Variants in REV3L observed in about 807,000 individuals in gnomAD.
The protein encoded by REV3L is REV3 like, DNA directed polymerase zeta catalytic subunit, also known as DNA polymerase zeta catalytic subunit.
REV3L carries 69 observed loss-of-function variants against 299.4 expected under a neutral mutation model. The ratio of observed to expected loss-of-function variants is 0.23; its 90% confidence interval spans 0.19 to 0.28. REV3L has a LOEUF of 0.28. Ranked by LOEUF, REV3L falls within the 10% of genes least tolerant of loss-of-function variation. The pLI is 1.00. For synonymous variants in REV3L, 1,238 were observed against 1,271.4 expected (o/e 0.97, Z 0.56); for missense variants, 3,128 against 3,693.8 (o/e 0.85, Z 3.97).
At chr6:111,472,443 T>A (rs12208482) in intron 1 of REV3L, among the ~76,000 whole-genome samples, 16,364 of 152,098 alleles carry the variant, frequency 0.11, 1,167 homozygotes, top group Middle Eastern at 0.21. Flanking sequence ...AACACTCTTT[T>A]ATTATTTGAA....
chr6:111,468,366 T>C (rs1227688220), intron 1 of REV3L, among the ~76,000 whole-genome samples: 4 of 152,062 alleles, frequency 2.6e-5, no homozygotes, highest in Non-Finnish European at 5.9e-5. Context: ...GAGGAAAACA[T>C]TTGGAACTCA....
chr6:111,310,559 C>T (rs1251402706), intron 29 of REV3L: 1 of 155,162 alleles, frequency 6.4e-6, no homozygotes, highest in African/African-American at 2.4e-5. Flanking sequence ...GTGGGAGGTT[C>T]GCTTGAGCCT....
intron 13 of REV3L, 111 bp from the exon 14 acceptor site, chr6:111,368,139 C>T (rs1779414198): frequency 2.4e-6 from 2 of 850,282 alleles, no homozygotes; most frequent in African/African-American, 3.4e-5. Flanking sequence ...ATGTCCATGT[C>T]TATCTTCCCT....
chr6:111,392,679 T>TAG, intron 5 of REV3L, 197 bp downstream of exon 5: 1 of 450,614 alleles, frequency 2.2e-6, no homozygotes, highest in South Asian at 4.1e-5. Flanking sequence ...AGGTAATAAC[T>TAG]AGTACATTTT....
rs1423386340 is a variant in REV3L at position 111,422,595 on chromosome 6, CACAT to C, written c.140-6127_140-6124del. Among the ~76,000 whole-genome samples the C allele has an allele frequency of 8.0e-3, 149 of 18,562 alleles. 12 individuals carry two copies. Among genetic ancestry groups the C allele is most frequent in the African/African-American group, 0.02 (144 of 7,278 alleles). The allele number at this position is 18,562 out of a possible 152,430, so 12.2% of individuals were successfully genotyped here. On this transcript the variant is annotated intron_variant, in intron 1 of 31. Transcript: ENST00000368802. ...ATATATACACATATATATATATATA[CACAT>C]ATATATATATATACACATATATATA... is the stretch of plus-strand genomic sequence containing the variant.
intron 1 of REV3L, among the ~76,000 whole-genome samples, chr6:111,457,069 T>C (rs1356324547): frequency 6.6e-6 from 1 of 152,132 alleles, no homozygotes; most frequent in Non-Finnish European, 1.5e-5. Flanking sequence ...ATCCCATTTA[T>C]ACTTTCAAAC....
intron 1 of REV3L, among the ~76,000 whole-genome samples, chr6:111,426,147 G>A (rs190391971): frequency 4.2e-4 from 64 of 152,190 alleles, no homozygotes; most frequent in African/African-American, 1.2e-3. Context: ...CAGTACTATC[G>A]GACAGAACCC....
chr6:111,356,146 A>G (rs1778066093), intron 18 of REV3L, among the ~76,000 whole-genome samples: 1 of 152,180 alleles, frequency 6.6e-6, no homozygotes, highest in Non-Finnish European at 1.5e-5. Flanking sequence ...CTATATAAGC[A>G]AAACAAAAAA....
At chr6:111,420,819 T>C (rs1168543747) in intron 1 of REV3L, among the ~76,000 whole-genome samples, 1 of 152,198 alleles carries the variant, frequency 6.6e-6, no homozygotes, top group African/African-American at 2.4e-5. Flanking sequence ...CTGAATTTCA[T>C]CTTTCACGGA....
chr6:111,393,119 G>C (rs1422509317), intron 4 of REV3L, 147 bp from the exon 5 acceptor site: 3 of 547,056 alleles, frequency 5.5e-6, no homozygotes, highest in Non-Finnish European at 9.8e-6. Flanking sequence ...CTCACTGCAA[G>C]CTCCACCTCC....
At chr6:111,458,245 T>C (rs113922733) in intron 1 of REV3L, among the ~76,000 whole-genome samples, 16,367 of 152,138 alleles carry the variant, frequency 0.11, 1,165 homozygotes, top group Middle Eastern at 0.21. Flanking sequence ...CCAACATCCC[T>C]TCATGATAAA....
At position 111,351,681 on chromosome 6, in the gene REV3L, A is replaced by C; in HGVS notation, c.7295T>G (p.Val2432Gly). The change falls in exon 19 of 32, where the codon GTG (valine) becomes GGG (glycine). Residue 2432 changes from valine (V) to glycine (G), a missense_variant. Coordinates refer to ENST00000368802, the MANE Select transcript of REV3L (RefSeq NM_001372078.1). ...ACATTCACAATGACACATACCTGGC[A>C]CCCGAGAGATCATCCGACATAAGTC... Reference protein sequence around the residue: ...SIDLCRMISRVPDDKIENRFA... With the variant: ...SIDLCRMISRGPDDKIENRFA... 6.2e-7 allele frequency: 1 copy of C among 1,611,434 alleles called. No homozygotes were observed. Among genetic ancestry groups the C allele is most frequent in the Non-Finnish European group, 8.5e-7 (1 of 1,178,274 alleles).
intron 1 of REV3L, among the ~76,000 whole-genome samples, chr6:111,422,615 CATATATA>C: frequency 7.3e-5 from 1 of 13,648 alleles, no homozygotes; most frequent in African/African-American, 1.7e-4. Flanking sequence ...TATATATACA[CATATATA>C]TATATATACA....
intron 2 of REV3L, among the ~76,000 whole-genome samples, chr6:111,413,968 A>AT (rs1238033152): frequency 2.0e-5 from 3 of 152,118 alleles, no homozygotes; most frequent in Non-Finnish European, 4.4e-5. Context: ...CCCTAACATA[A>AT]TTGCTCCTGT....
chr6:111,463,092 C>A (rs1349396651), intron 1 of REV3L, among the ~76,000 whole-genome samples: 1 of 152,182 alleles, frequency 6.6e-6, no homozygotes, highest in Non-Finnish European at 1.5e-5. Flanking sequence ...GGCATAGCTT[C>A]CTGAGCTTCA....
intron 26 of REV3L, among the ~76,000 whole-genome samples, chr6:111,320,452 A>G (rs76444525): frequency 6.6e-6 from 1 of 150,530 alleles, no homozygotes; most frequent in Non-Finnish European, 1.5e-5. Flanking sequence ...CCTTCCAAGG[A>G]AAAAAAAACA....
chr6:111,404,360 T>C (rs1783402370), intron 4 of REV3L, among the ~76,000 whole-genome samples: 1 of 152,204 alleles, frequency 6.6e-6, no homozygotes, highest in African/African-American at 2.4e-5. Context: ...TCACTAACAA[T>C]GCACCTGGTC....
At chr6:111,372,468 C>T (rs1350652575) in intron 13 of REV3L, 128 bp downstream of exon 13, 21 of 611,332 alleles carry the variant, frequency 3.4e-5, no homozygotes, top group African/African-American at 3.9e-5. Context: ...CTTACAAATA[C>T]GGTATCACAG....
chr6:111,322,536 CA>C, intron 26 of REV3L, 32 bp downstream of exon 26: 2 of 1,498,508 alleles, frequency 1.3e-6, no homozygotes, highest in South Asian at 2.3e-5. Flanking sequence ...TAGAGAGATG[CA>C]AAAGACAACT....
Sources: gnomAD v4.1 joint callset for allele counts (sites outside exome capture counted in the v4.1 genomes callset) on GRCh38, gnomAD v4.1.1 for gene constraint, MANE v1.5 for transcripts, NCBI Gene and HGNC (gene_info 2026-07-23, HGNC 2026-07-21) for gene names.